PHF2: variants seen among roughly 807,000 people sequenced by gnomAD.
PHF2 encodes PHD finger protein 2.
PHF2 carries 27 observed loss-of-function variants against 120.5 expected under a neutral mutation model. That is an observed-to-expected ratio of 0.22 (90% CI 0.17 to 0.31). The LOEUF (loss-of-function observed/expected upper bound fraction) is 0.31. Among genes scored for constraint, PHF2 ranks in the 10% least tolerant of loss-of-function variants. The pLI is 1.00. For missense variants in PHF2, 1,024 were observed against 1,434.8 expected (o/e 0.71, Z 4.63); for synonymous variants, 568 against 592.5 (o/e 0.96, Z 0.60).
At chr9:93,596,837 C>A (rs1199166418) in intron 1 of PHF2, among the ~76,000 whole-genome samples, 4 of 151,672 alleles carry the variant, frequency 2.6e-5, no homozygotes, top group Admixed American at 6.6e-5. Context: ...TGGCTTACTG[C>A]AACCTCTGTC....
chr9:93,642,803 G>T (rs1021894171), intron 3 of PHF2, among the ~76,000 whole-genome samples: 1 of 152,008 alleles, frequency 6.6e-6, no homozygotes, highest in Admixed American at 6.6e-5. Context: ...TGTATTCTCT[G>T]TATCATTTAA....
chr9:93,590,783 C>T (rs1825204774), intron 1 of PHF2, among the ~76,000 whole-genome samples: 1 of 152,206 alleles, frequency 6.6e-6, no homozygotes. Context: ...GGGACCACCC[C>T]AGAGGCCATG....
intron 1 of PHF2, among the ~76,000 whole-genome samples, chr9:93,617,734 C>T (rs576145826): frequency 7.2e-5 from 11 of 152,304 alleles, no homozygotes; most frequent in African/African-American, 1.7e-4. Context: ...GAAAGCCATC[C>T]GAGTCCTAAA....
In PHF2 at chr9:93,611,898, C is replaced by T. The variant is rs189241758; in HGVS notation, c.99-18072C>T. Among the ~76,000 whole-genome samples the T allele has an allele frequency of 1.2e-4, 18 of 152,260 alleles. No homozygotes were observed. The East Asian group carries it at 2.5e-3, about 21-fold the overall frequency. On this transcript the variant is annotated intron_variant, in intron 1 of 21. Coordinates refer to ENST00000359246, the MANE Select transcript of PHF2 (RefSeq NM_005392.4). Reference sequence around the variant, plus strand: ...TATTCAATAATAAAAAATTTGTCTCCAGTGAGAAGCTTGCCCTCTCTCCCT... The same window carrying T: ...TATTCAATAATAAAAAATTTGTCTCTAGTGAGAAGCTTGCCCTCTCTCCCT...
At chr9:93,667,303 G>C in intron 17 of PHF2, 63 bp downstream of exon 17, 1 of 1,549,382 alleles carries the variant, frequency 6.5e-7, no homozygotes, top group Non-Finnish European at 8.7e-7. Flanking sequence ...GCTGGCCCTC[G>C]GCCATGATGG....
At chr9:93,590,891 G>T (rs1013378505) in intron 1 of PHF2, among the ~76,000 whole-genome samples, 1 of 152,356 alleles carries the variant, frequency 6.6e-6, no homozygotes, top group South Asian at 2.1e-4. Flanking sequence ...GCACTGCTGA[G>T]ATTTGAATAT....
rs749269435 is a variant in PHF2 at position 93,667,064 on chromosome 9, G to T, written c.2188-16G>T. On this transcript the variant is annotated splice_polypyrimidine_tract_variant and intron_variant, in intron 16 of 21. Coordinates refer to ENST00000359246, the MANE Select transcript of PHF2 (RefSeq NM_005392.4). ...CAGACCCTCCCCTGACCGAAGCCCTGTCCCTCGCGCAGCAGAGTGATGACT... is the reference window on the plus strand; with the variant it reads ...CAGACCCTCCCCTGACCGAAGCCCTTTCCCTCGCGCAGCAGAGTGATGACT... 3 of 1,604,766 alleles carry T rather than the reference G, an allele frequency of 1.9e-6. No homozygotes were observed. In the East Asian group the frequency reaches 6.8e-5, roughly 36 times the overall value.
intron 1 of PHF2, among the ~76,000 whole-genome samples, chr9:93,620,780 T>C (rs1825812248): frequency 6.6e-6 from 1 of 152,252 alleles, no homozygotes; most frequent in South Asian, 2.1e-4. Flanking sequence ...TTTCCATTTT[T>C]CTGTAGTTAT....
At chr9:93,659,204 C>T (rs1409303605) in intron 10 of PHF2, among the ~76,000 whole-genome samples, 3 of 152,264 alleles carry the variant, frequency 2.0e-5, no homozygotes, top group Admixed American at 1.3e-4. Context: ...CCCCTGCCAC[C>T]TCACCTTAGC....
In PHF2 at chr9:93,646,378, C is replaced by A. The variant is rs561722429; in HGVS notation, c.460+589C>A. ...GCAGTGGCAGGGAGAGGCCAGCACACCTAGCAGTGACCCTGACAGGCCAGT... is the reference window on the plus strand; with the variant it reads ...GCAGTGGCAGGGAGAGGCCAGCACAACTAGCAGTGACCCTGACAGGCCAGT... On this transcript the variant is annotated intron_variant, in intron 4 of 21. Coordinates refer to ENST00000359246, the MANE Select transcript of PHF2 (RefSeq NM_005392.4). Among the ~76,000 whole-genome samples the A allele has an allele frequency of 1.4e-4, 22 of 152,348 alleles. No homozygotes were observed. The East Asian group carries it at 4.1e-3, about 28-fold the overall frequency.
At chr9:93,615,205 G>A (rs1311719309) in intron 1 of PHF2, among the ~76,000 whole-genome samples, 20 of 59,976 alleles carry the variant, frequency 3.3e-4, no homozygotes, top group Non-Finnish European at 4.5e-4. Flanking sequence ...GATGATGATG[G>A]TGATGGTGAT....
At chr9:93,629,156 C>T (rs1230620406) in intron 1 of PHF2, among the ~76,000 whole-genome samples, 1 of 152,162 alleles carries the variant, frequency 6.6e-6, no homozygotes, top group East Asian at 1.9e-4. Flanking sequence ...CCACCTCGGC[C>T]TCTCAAAGTG....
intron 1 of PHF2, among the ~76,000 whole-genome samples, chr9:93,611,258 A>G (rs1825628718): frequency 6.6e-6 from 1 of 152,106 alleles, no homozygotes. Context: ...TCTACTAAAA[A>G]TACAAAACTA....
At chr9:93,603,759 C>T (rs1297435195) in intron 1 of PHF2, among the ~76,000 whole-genome samples, 2 of 152,216 alleles carry the variant, frequency 1.3e-5, no homozygotes, top group Non-Finnish European at 2.9e-5. Flanking sequence ...TGCACACCTA[C>T]CTACCTGGGG....
intron 1 of PHF2, among the ~76,000 whole-genome samples, chr9:93,598,623 G>C (rs10992796): frequency 0.3 from 45,476 of 151,984 alleles, 7,544 homozygotes; most frequent in South Asian, 0.61. Context: ...GAGGTTGTTC[G>C]TGAGTATCAG....
At chr9:93,663,053 C>CGT in intron 13 of PHF2, 27 bp downstream of exon 13, 1 of 1,612,560 alleles carries the variant, frequency 6.2e-7, no homozygotes, top group Non-Finnish European at 8.5e-7. Context: ...TGCATGCACA[C>CGT]GTGTGTGTGT....
At chr9:93,606,455 A>G (rs529469597) in intron 1 of PHF2, among the ~76,000 whole-genome samples, 1 of 152,196 alleles carries the variant, frequency 6.6e-6, no homozygotes, top group Non-Finnish European at 1.5e-5. Context: ...CATTTCCCTG[A>G]TGAAATATAA....
chr9:93,670,921 C>A lies in PHF2; in HGVS notation c.2349-2664C>A, dbSNP rs536789867. The A allele has an allele frequency of 1.8e-5, 16 of 866,816 alleles. No individual in the cohort carries two copies. In the South Asian group the frequency reaches 8.0e-4, roughly 43 times the overall value. 53.7% of individuals were successfully genotyped at this position (866,816 alleles called of 1,614,324 possible). A position where few individuals can be genotyped will look rare whatever the true frequency, so the allele number is the denominator to read the frequency against. On this transcript the variant is annotated intron_variant, in intron 17 of 21. Coordinates refer to ENST00000359246, the MANE Select transcript of PHF2 (RefSeq NM_005392.4). ...GGGTGCAGACAGGGCAAAGAGAAAG[C>A]CTGGGAGTCTGTGTGGAGCCTGCCA...
At chr9:93,618,311 G>A (rs1825759081) in intron 1 of PHF2, among the ~76,000 whole-genome samples, 1 of 152,274 alleles carries the variant, frequency 6.6e-6, no homozygotes, top group Non-Finnish European at 1.5e-5. Flanking sequence ...CAAGGTGAGT[G>A]TGGTGGACTG....
Sources: gnomAD v4.1 joint callset for allele counts (sites outside exome capture counted in the v4.1 genomes callset) on GRCh38, gnomAD v4.1.1 for gene constraint, MANE v1.5 for transcripts, NCBI Gene and HGNC (gene_info 2026-07-23, HGNC 2026-07-21) for gene names.